The following NOS1AP variants were observed in gnomAD, a reference collection of about 807,000 sequenced individuals.
NOS1AP encodes the protein carboxyl-terminal PDZ ligand of neuronal nitric oxide synthase protein.
Under a neutral mutation model 56.2 loss-of-function variants are expected in NOS1AP, and 21 were observed. That is an observed-to-expected ratio of 0.37 (90% CI 0.26 to 0.54). The LOEUF (loss-of-function observed/expected upper bound fraction) is 0.54. Ranked by LOEUF, NOS1AP falls within the 20% of genes least tolerant of loss-of-function variation. The probability of loss-of-function intolerance (pLI) is 0.84; values close to 1 mark genes in which losing one functional copy is unlikely to be tolerated. For missense variants in NOS1AP, 522 were observed against 657.8 expected (o/e 0.79, Z 2.26); for synonymous variants, 270 against 274.6 (o/e 0.98, Z 0.17).
At chr1:162,121,229 G>A (rs530149365) in intron 1 of NOS1AP, among the ~76,000 whole-genome samples, 1 of 150,114 alleles carries the variant, frequency 6.7e-6, no homozygotes, top group Non-Finnish European at 1.5e-5. Context: ...CAAGTGTAGT[G>A]GCACGATCTT....
chr1:162,129,788 C>T (rs1418392402), intron 1 of NOS1AP, among the ~76,000 whole-genome samples: 7 of 152,186 alleles, frequency 4.6e-5, no homozygotes, highest in Admixed American at 4.6e-4. Flanking sequence ...GAGGACATGC[C>T]GTCTCCCTCT....
chr1:162,105,338 T>C (rs1332937776), intron 1 of NOS1AP, among the ~76,000 whole-genome samples: 1 of 152,140 alleles, frequency 6.6e-6, no homozygotes, highest in Non-Finnish European at 1.5e-5. Flanking sequence ...CTGTAGGAGG[T>C]GGCTGGAGAC....
At chr1:162,233,936 CAGTT>C (rs1207854874) in intron 2 of NOS1AP, among the ~76,000 whole-genome samples, 1 of 152,192 alleles carries the variant, frequency 6.6e-6, no homozygotes, top group Non-Finnish European at 1.5e-5. Context: ...TAAAATTCAA[CAGTT>C]AGGGAAGCAT....
At chr1:162,143,474 T>C (rs1242699485) in intron 1 of NOS1AP, among the ~76,000 whole-genome samples, 1 of 152,164 alleles carries the variant, frequency 6.6e-6, no homozygotes, top group African/African-American at 2.4e-5. Flanking sequence ...TTCTAAACTA[T>C]AAAACTTTGA....
chr1:162,335,144 T>G (rs1307284772), intron 5 of NOS1AP, among the ~76,000 whole-genome samples: 2 of 152,228 alleles, frequency 1.3e-5, no homozygotes, highest in East Asian at 3.8e-4. Context: ...TCAATTTTTT[T>G]TCCATGTCTC....
chr1:162,264,261 C>T (rs183574447), intron 2 of NOS1AP, among the ~76,000 whole-genome samples: 85 of 152,150 alleles, frequency 5.6e-4, no homozygotes, highest in Non-Finnish European at 1.1e-3. Context: ...GCCTCTTCTC[C>T]CTTTACTAAT....
intron 2 of NOS1AP, among the ~76,000 whole-genome samples, chr1:162,170,413 G>C (rs1203459106): frequency 1.3e-5 from 2 of 152,210 alleles, no homozygotes. Flanking sequence ...AGCAGAGCTG[G>C]GGGTCCACCT....
At chr1:162,131,902 T>C (rs1648767381) in intron 1 of NOS1AP, among the ~76,000 whole-genome samples, 1 of 152,246 alleles carries the variant, frequency 6.6e-6, no homozygotes, top group Non-Finnish European at 1.5e-5. Context: ...CTCTAATCTT[T>C]AGGCCTCTTA....
chr1:162,078,725 G>A (rs1211478387), intron 1 of NOS1AP, among the ~76,000 whole-genome samples: 1 of 152,146 alleles, frequency 6.6e-6, no homozygotes, highest in Non-Finnish European at 1.5e-5. Flanking sequence ...AAAATTCTTA[G>A]TATGATATTC....
chr1:162,211,722 C>G (rs1454637552), intron 2 of NOS1AP, among the ~76,000 whole-genome samples: 1 of 152,040 alleles, frequency 6.6e-6, no homozygotes, highest in African/African-American at 2.4e-5. Flanking sequence ...CCTGGGGGAG[C>G]CACTTTCCTT....
At chr1:162,192,528 A>G (rs975867757) in intron 2 of NOS1AP, among the ~76,000 whole-genome samples, 2 of 152,116 alleles carry the variant, frequency 1.3e-5, no homozygotes, top group Admixed American at 1.3e-4. Context: ...CCAGAAGAAG[A>G]AAGAGGCTTG....
At chr1:162,338,455 G>C (rs1055875658) in intron 5 of NOS1AP, among the ~76,000 whole-genome samples, 2 of 152,176 alleles carry the variant, frequency 1.3e-5, no homozygotes, top group African/African-American at 4.8e-5. Context: ...AAGTTGTAAA[G>C]TAAAGAGAGA....
intron 2 of NOS1AP, among the ~76,000 whole-genome samples, chr1:162,239,046 A>G (rs902448132): frequency 3.9e-5 from 6 of 152,250 alleles, no homozygotes; most frequent in African/African-American, 1.4e-4. Flanking sequence ...ACATACATTT[A>G]TATATCTTAT....
chr1:162,103,312 GT>G (rs530530156), intron 1 of NOS1AP, among the ~76,000 whole-genome samples: 44 of 146,776 alleles, frequency 3.0e-4, no homozygotes, highest in Non-Finnish European at 2.7e-4. Context: ...TATTATTTCA[GT>G]TTTTTTTTTG....
intron 6 of NOS1AP, among the ~76,000 whole-genome samples, chr1:162,354,122 A>G (rs1451520403): frequency 6.6e-6 from 1 of 152,156 alleles, no homozygotes; most frequent in East Asian, 1.9e-4. Flanking sequence ...TCTTAGAACA[A>G]TTTGTTCTAC....
At chr1:162,336,040 C>T (rs1040848233) in intron 5 of NOS1AP, among the ~76,000 whole-genome samples, 2 of 152,140 alleles carry the variant, frequency 1.3e-5, no homozygotes, top group Non-Finnish European at 2.9e-5. Context: ...TGGGCTTTCA[C>T]CAGAAGCTAG....
At chr1:162,142,813 G>T (rs573459866) in intron 1 of NOS1AP, among the ~76,000 whole-genome samples, 1 of 152,184 alleles carries the variant, frequency 6.6e-6, no homozygotes, top group African/African-American at 2.4e-5. Flanking sequence ...AGTGATGTAT[G>T]TAAAGGTTAT....
intron 3 of NOS1AP, among the ~76,000 whole-genome samples, chr1:162,297,344 G>A (rs1655497584): frequency 6.6e-6 from 1 of 152,230 alleles, no homozygotes; most frequent in South Asian, 2.1e-4. Context: ...CAGGAGCAAA[G>A]CAGGTCTGCT....
At chr1:162,086,845 C>A (rs1692013743) in intron 1 of NOS1AP, among the ~76,000 whole-genome samples, 1 of 152,134 alleles carries the variant, frequency 6.6e-6, no homozygotes, top group Non-Finnish European at 1.5e-5. Context: ...TTTTCTTTTA[C>A]TAAAGTTGAA....
Sources: gnomAD v4.1 joint callset for allele counts (sites outside exome capture counted in the v4.1 genomes callset) on GRCh38, gnomAD v4.1.1 for gene constraint, MANE v1.5 for transcripts, NCBI Gene and HGNC (gene_info 2026-07-23, HGNC 2026-07-21) for gene names.